Variants in PAGE2B observed in about 807,000 individuals in gnomAD.
PAGE2B encodes PAGE family member 2B, also known as putative G antigen family E member 3.
A neutral mutation model predicts 7.6 loss-of-function variants in PAGE2B; 5 were observed. The ratio of observed to expected loss-of-function variants is 0.66; its 90% CI spans 0.34 to 1.38. The LOEUF (loss-of-function observed/expected upper bound fraction) is 1.38. Ranked by LOEUF, PAGE2B falls within the 40% of genes most tolerant of loss-of-function variation. The probability of loss-of-function intolerance (pLI) is 0.04; values close to 1 mark genes in which losing one functional copy is unlikely to be tolerated. For missense variants in PAGE2B, 70 were observed against 78.4 expected, an observed-to-expected ratio of 0.89 and a Z score of 0.41; for synonymous variants, 29 against 26.7, an observed-to-expected ratio of 1.09 and a Z score of -0.27.
upstream of PAGE2B, among the ~76,000 whole-genome samples, chrX:55,073,407 T>C (rs1936468866): frequency 9.0e-6 from 1 of 110,782 alleles, no homozygotes; most frequent in Admixed American, 9.6e-5. Context: ...CCAGTCCCAA[T>C]AAGATGAACT....
upstream of PAGE2B, among the ~76,000 whole-genome samples, chrX:55,073,443 A>T (rs1246505915): frequency 9.0e-6 from 1 of 111,355 alleles, no homozygotes; most frequent in African/African-American, 3.3e-5. Flanking sequence ...AAATGCAGAA[A>T]GTGCTTGCCT....
upstream of PAGE2B, among the ~76,000 whole-genome samples, chrX:55,073,007 T>C (rs1936464928): frequency 9.0e-6 from 1 of 111,639 alleles, no homozygotes; most frequent in Non-Finnish European, 1.9e-5. Context: ...CTGGGCTCCA[T>C]AGGACTGGGA....
chrX:55,043,968 AAAT>A, the PAGE2B span, among the ~76,000 whole-genome samples: 91 of 102,659 alleles, frequency 8.9e-4, no homozygotes, highest in East Asian at 4.6e-3. Context: ...CTCTGTCTCT[AAAT>A]AATAATAATA....
intron 4 of PAGE2B, among the ~76,000 whole-genome samples, chrX:55,077,923 T>C (rs1936541983): frequency 9.7e-6 from 1 of 103,393 alleles, no homozygotes; most frequent in South Asian, 4.3e-4. Flanking sequence ...AATGTGTATA[T>C]ATATATATTT....
chrX:55,076,435 TAC>T (rs1294968718), intron 2 of PAGE2B, 132 bp from the exon 3 acceptor site: 2 of 592,296 alleles, frequency 3.4e-6, no homozygotes. Context: ...TATGTATATA[TAC>T]ATATATGTAT....
the PAGE2B span, among the ~76,000 whole-genome samples, chrX:55,048,346 T>G: frequency 1.8e-5 from 2 of 111,891 alleles, no homozygotes; most frequent in Non-Finnish European, 1.9e-5. Flanking sequence ...GTGAAGAAAG[T>G]CATTGGTAGC....
At chrX:55,054,277 C>T in the PAGE2B span, among the ~76,000 whole-genome samples, 408 of 111,835 alleles carry the variant, frequency 3.6e-3, no homozygotes, top group Non-Finnish European at 6.5e-3. Flanking sequence ...ACAGTAGCGA[C>T]AATAATGCAT....
the PAGE2B span, among the ~76,000 whole-genome samples, chrX:55,028,611 C>T: frequency 1.8e-5 from 2 of 111,217 alleles, no homozygotes; most frequent in Non-Finnish European, 3.8e-5. Flanking sequence ...AAAATATAGA[C>T]CACTTCTTGG....
At chrX:55,039,557 C>T in the PAGE2B span, among the ~76,000 whole-genome samples, 2 of 108,435 alleles carry the variant, frequency 1.8e-5, no homozygotes, top group Non-Finnish European at 3.8e-5. Flanking sequence ...AGTGAAGAAA[C>T]CCTAATGGTA....
At chrX:55,041,768 C>T in the PAGE2B span, among the ~76,000 whole-genome samples, 17 of 111,556 alleles carry the variant, frequency 1.5e-4, no homozygotes, top group East Asian at 1.1e-3. Flanking sequence ...CGGTTCACAT[C>T]GGCAGGACAT....
At chrX:55,066,498 T>C in the PAGE2B span, among the ~76,000 whole-genome samples, 1 of 112,262 alleles carries the variant, frequency 8.9e-6, no homozygotes, top group Non-Finnish European at 1.9e-5. Flanking sequence ...CCTCAGCGTT[T>C]GTTTGTCTGG....
chrX:55,033,792 T>C, the PAGE2B span, among the ~76,000 whole-genome samples: 1 of 112,361 alleles, frequency 8.9e-6, no homozygotes, highest in Non-Finnish European at 1.9e-5. Context: ...GTAGACATCA[T>C]GGTACTTAAA....
At chrX:55,068,050 C>CT in the PAGE2B span, among the ~76,000 whole-genome samples, 5 of 112,430 alleles carry the variant, frequency 4.4e-5, no homozygotes, top group African/African-American at 6.5e-5. Context: ...TGCAGAAGCT[C>CT]TTTAGTTTAA....
the PAGE2B span, among the ~76,000 whole-genome samples, chrX:55,065,852 T>C: frequency 1.8e-5 from 2 of 112,102 alleles, no homozygotes; most frequent in Non-Finnish European, 3.8e-5. Context: ...AATGTACACT[T>C]TAACTTCATC....
the PAGE2B span, among the ~76,000 whole-genome samples, chrX:55,041,670 C>G: frequency 6.3e-5 from 7 of 111,783 alleles, no homozygotes; most frequent in Non-Finnish European, 1.1e-4. Context: ...TGGTGGGTCT[C>G]CTGTCCCCTA....
the PAGE2B span, among the ~76,000 whole-genome samples, chrX:55,047,021 G>A: frequency 9.0e-6 from 1 of 110,891 alleles, no homozygotes; most frequent in Admixed American, 9.6e-5. Flanking sequence ...TTGGTGTGCT[G>A]CACCCATTAA....
At chrX:55,064,847 TC>T in the PAGE2B span, among the ~76,000 whole-genome samples, 13 of 112,014 alleles carry the variant, frequency 1.2e-4, no homozygotes, top group African/African-American at 4.2e-4. Flanking sequence ...TCCATGTACT[TC>T]TATAGTTTCC....
At chrX:55,062,823 A>G in the PAGE2B span, among the ~76,000 whole-genome samples, 1 of 111,636 alleles carries the variant, frequency 9.0e-6, no homozygotes, top group Admixed American at 9.6e-5. Flanking sequence ...GCATGTGGAT[A>G]TCCAGTTTTC....
the PAGE2B span, among the ~76,000 whole-genome samples, chrX:55,029,953 A>AC: frequency 2.3e-5 from 1 of 44,277 alleles, no homozygotes; most frequent in Non-Finnish European, 4.2e-5. Flanking sequence ...CTTGTCCCCC[A>AC]CCCCCCCACC....
Sources: gnomAD v4.1 joint callset for allele counts (sites outside exome capture counted in the v4.1 genomes callset) on GRCh38, gnomAD v4.1.1 for gene constraint, MANE v1.5 for transcripts, NCBI Gene and HGNC (gene_info 2026-07-23, HGNC 2026-07-21) for gene names.